Variants in HP1BP3 observed in about 807,000 individuals in gnomAD.
HP1BP3 encodes the protein heterochromatin protein 1-binding protein 3.
Under a neutral mutation model 62.5 loss-of-function variants are expected in HP1BP3, and 12 were observed. The ratio of observed to expected loss-of-function variants is 0.19; its 90% confidence interval spans 0.12 to 0.31. The LOEUF is 0.31. Among genes scored for constraint, HP1BP3 ranks in the 10% least tolerant of loss-of-function variants. HP1BP3 has a pLI of 1.00. For missense variants in HP1BP3, 502 were observed against 651.8 expected, an observed-to-expected ratio of 0.77 and a Z score of 2.50; for synonymous variants, 260 against 237.8, an observed-to-expected ratio of 1.09 and a Z score of -0.86.
chr1:20,769,158 T>C (rs1039016810), intron 6 of HP1BP3, among the ~76,000 whole-genome samples: 1 of 152,196 alleles, frequency 6.6e-6, no homozygotes, highest in African/African-American at 2.4e-5. Context: ...GGCACAATCA[T>C]AGCTCATTGC....
intron 1 of HP1BP3, among the ~76,000 whole-genome samples, chr1:20,783,180 A>G (rs2057652741): frequency 6.6e-6 from 1 of 152,212 alleles, no homozygotes; most frequent in Non-Finnish European, 1.5e-5. Flanking sequence ...GACTACATTC[A>G]TTATGTGTGA....
chr1:20,750,940 C>G (rs2055706092), intron 9 of HP1BP3, among the ~76,000 whole-genome samples: 2 of 149,512 alleles, frequency 1.3e-5, no homozygotes, highest in South Asian at 4.2e-4. Context: ...GCCTCAACTT[C>G]CCGAGTAGCT....
chr1:20,765,025 T>A (rs1387364763), intron 8 of HP1BP3, among the ~76,000 whole-genome samples: 1 of 151,118 alleles, frequency 6.6e-6, no homozygotes, highest in Non-Finnish European at 1.5e-5. Flanking sequence ...AAAAATTAGC[T>A]GGGTGTCGTG....
chr1:20,765,542 A>G lies in HP1BP3; in HGVS notation c.736-11T>C. 6.2e-7 allele frequency: 1 copy of G among 1,600,766 alleles called. No homozygotes were observed. Among genetic ancestry groups the G allele is most frequent in the Non-Finnish European group, 8.5e-7 (1 of 1,170,988 alleles). On this transcript the variant is annotated splice_polypyrimidine_tract_variant and intron_variant, in intron 7 of 12. Transcript: ENST00000438032. ...TGCAGAGCTCCTATTCTGAAAAGTA[A>G]TTATCAAAAATTATGATCATTATAG...
intron 8 of HP1BP3, among the ~76,000 whole-genome samples, chr1:20,759,832 T>C (rs1162053243): frequency 6.6e-6 from 1 of 150,482 alleles, no homozygotes; most frequent in Non-Finnish European, 1.5e-5. Flanking sequence ...GTAGCTTAGG[T>C]CAGAGATACA....
At chr1:20,772,967 T>C (rs1283215568) in intron 5 of HP1BP3, among the ~76,000 whole-genome samples, 1 of 152,188 alleles carries the variant, frequency 6.6e-6, no homozygotes, top group Non-Finnish European at 1.5e-5. Context: ...GTGTGAAAGA[T>C]AACCACTACC....
At chr1:20,748,665 T>C (rs1370739016) in intron 10 of HP1BP3, among the ~76,000 whole-genome samples, 4 of 151,032 alleles carry the variant, frequency 2.6e-5, no homozygotes, top group Non-Finnish European at 4.4e-5. Flanking sequence ...GGGGTGGAGG[T>C]AGGAGAATGG....
intron 10 of HP1BP3, among the ~76,000 whole-genome samples, chr1:20,748,750 C>G (rs1231475687): frequency 6.6e-6 from 1 of 151,078 alleles, no homozygotes; most frequent in Non-Finnish European, 1.5e-5. Context: ...GGCAACACAG[C>G]GAGACTCCGT....
At chr1:20,763,063 A>G (rs956157009) in intron 8 of HP1BP3, among the ~76,000 whole-genome samples, 3 of 151,972 alleles carry the variant, frequency 2.0e-5, no homozygotes, top group African/African-American at 7.3e-5. Flanking sequence ...TAAGAGTGTG[A>G]GATCTGGTTA....
In HP1BP3 at chr1:20,770,838, C is replaced by CA. The variant is rs879843273; in HGVS notation, c.654+91dup. On this transcript the variant is annotated intron_variant, in intron 6 of 12. Coordinates refer to ENST00000438032, the MANE Select transcript of HP1BP3 (RefSeq NM_001372052.1). ...TCATCATCATGAAACTTATTTTTAA[C>CA]AAAAAAGGCACAAAAAGCCTAAATG... 4 of 952,916 alleles carry CA rather than the reference C, an allele frequency of 4.2e-6. No individual in the cohort carries two copies. In the Admixed American group the frequency reaches 9.4e-5, roughly 22 times the overall value. 59.0% of individuals were successfully genotyped at this position (952,916 alleles called of 1,614,324 possible). A position where few individuals can be genotyped will look rare whatever the true frequency, so the allele number is the denominator to read the frequency against.
intron 9 of HP1BP3, among the ~76,000 whole-genome samples, chr1:20,751,873 G>A (rs1306174393): frequency 6.6e-6 from 1 of 152,144 alleles, no homozygotes; most frequent in Non-Finnish European, 1.5e-5. Context: ...CTACAAAACT[G>A]TTTAGTGGTT....
intron 4 of HP1BP3, 53 bp from the exon 5 acceptor site, chr1:20,773,663 T>C (rs2057162399): frequency 1.6e-6 from 2 of 1,279,980 alleles, no homozygotes; most frequent in East Asian, 2.6e-5. Context: ...GAAAGACGTA[T>C]AAAGTCAGAA....
At chr1:20,763,492 G>A (rs2056601015) in intron 8 of HP1BP3, among the ~76,000 whole-genome samples, 1 of 152,118 alleles carries the variant, frequency 6.6e-6, no homozygotes, top group Admixed American at 6.5e-5. Context: ...TGAAACCTCA[G>A]CACTTCTAAT....
At chr1:20,760,363 TTC>T (rs1178394325) in intron 8 of HP1BP3, among the ~76,000 whole-genome samples, 1 of 151,872 alleles carries the variant, frequency 6.6e-6, no homozygotes, top group African/African-American at 2.4e-5. Flanking sequence ...TGTAGGGAGA[TTC>T]TGTCTCTATT....
At chr1:20,765,010 A>C (rs2056705259) in intron 8 of HP1BP3, among the ~76,000 whole-genome samples, 1 of 151,732 alleles carries the variant, frequency 6.6e-6, no homozygotes, top group Non-Finnish European at 1.5e-5. Flanking sequence ...CTCTACTAAA[A>C]ATACAAAAAT....
At position 20,771,009 on chromosome 1, in the gene HP1BP3, G is replaced by A; in HGVS notation, c.575C>T (p.Pro192Leu). Residue 192 changes from proline to leucine, a missense_variant, in exon 6 of 13, where the codon CCT becomes CTT. Around this residue, in one of 5 missense-constraint regions of HP1BP3, gnomAD observed 111 missense variants for 242.0 expected, o/e 0.46. Coordinates refer to ENST00000438032, the MANE Select transcript of HP1BP3 (RefSeq NM_001372052.1). ...AIRKYIIHKY[P>L]SLELERRGYL... is the part of the protein sequence containing the mutation. ...ACCCCTTCTCTCCAGCTCCAGAGAA[G>A]GATACTTATGGATGATGTATTTTCG... is the stretch of plus-strand genomic sequence containing the variant. 6.2e-7 allele frequency: 1 copy of A among 1,610,428 alleles called. No homozygotes were observed. Among genetic ancestry groups the A allele is most frequent in the Non-Finnish European group, 8.5e-7 (1 of 1,177,832 alleles).
chr1:20,755,714 T>C (rs1332166580), intron 9 of HP1BP3, among the ~76,000 whole-genome samples: 1 of 152,200 alleles, frequency 6.6e-6, no homozygotes, highest in Non-Finnish European at 1.5e-5. Flanking sequence ...TTATTCATAA[T>C]TAGCTGAAAA....
At chr1:20,769,322 C>T (rs1444558879) in intron 6 of HP1BP3, among the ~76,000 whole-genome samples, 1 of 152,118 alleles carries the variant, frequency 6.6e-6, no homozygotes, top group African/African-American at 2.4e-5. Flanking sequence ...CTTTGGGAGG[C>T]TGAGGTGGGT....
intron 3 of HP1BP3, among the ~76,000 whole-genome samples, chr1:20,778,952 GATA>G (rs1379928204): frequency 6.6e-6 from 1 of 152,050 alleles, no homozygotes; most frequent in Non-Finnish European, 1.5e-5. Flanking sequence ...ACCATGCCCA[GATA>G]ATGTTTATAA....
Sources: gnomAD v4.1 joint callset for allele counts (sites outside exome capture counted in the v4.1 genomes callset) on GRCh38, gnomAD v4.1.1 for gene constraint, gnomAD v4.1.1 regional missense constraint, MANE v1.5 for transcripts, NCBI Gene and HGNC (gene_info 2026-07-23, HGNC 2026-07-21) for gene names.